The following CTNNA1 variants were observed in gnomAD, a reference collection of about 807,000 sequenced individuals.
CTNNA1 encodes the protein catenin alpha 1.
In CTNNA1, 37 loss-of-function variants were observed where a neutral mutation model predicts 98.4. The ratio of observed to expected loss-of-function variants is 0.38; its 90% CI spans 0.29 to 0.49. The LOEUF is 0.49. Among genes scored for constraint, CTNNA1 ranks in the 20% least tolerant of loss-of-function variants. CTNNA1 has a pLI of 0.95. For synonymous variants in CTNNA1, 404 were observed against 413.2 expected (o/e 0.98, Z 0.27); for missense variants, 761 against 1,147.2 (o/e 0.66, Z 4.86).
intron 7 of CTNNA1, among the ~76,000 whole-genome samples, chr5:138,845,755 T>G (rs1272005354): frequency 6.6e-6 from 1 of 152,170 alleles, no homozygotes; most frequent in Non-Finnish European, 1.5e-5. Flanking sequence ...AAATTACTGT[T>G]AAGAAAAGGA....
intron 3 of CTNNA1, 48 bp from the exon 4 acceptor site, chr5:138,809,990 T>G (rs1758506708): frequency 6.4e-7 from 1 of 1,558,568 alleles, no homozygotes; most frequent in African/African-American, 1.4e-5. Flanking sequence ...TGTAGATCAG[T>G]TATTTGAGTT....
At position 138,896,618 on chromosome 5, in the gene CTNNA1, A is replaced by G. The variant is rs557343175; in HGVS notation, c.1297-7731A>G. The stretch of plus-strand genomic sequence containing the variant: ...GGGGAGCAGGAGCCAGAGGGCTGGT[A>G]TTGGTGGGCTGGATGGCTCTTCCCT... On this transcript the variant is annotated intron_variant, in intron 9 of 17. Coordinates refer to ENST00000302763, the MANE Select transcript of CTNNA1 (RefSeq NM_001903.5). Among the ~76,000 whole-genome samples the G allele has an allele frequency of 4.6e-5, 7 of 152,240 alleles. No homozygotes were observed. In the South Asian group the frequency reaches 1.5e-3, roughly 32 times the overall value.
chr5:138,812,370 G>T, intron 5 of CTNNA1, 68 bp downstream of exon 5: 2 of 1,533,322 alleles, frequency 1.3e-6, no homozygotes, highest in South Asian at 1.2e-5. Context: ...AACTCATTCT[G>T]TGTGTTTTCT....
rs544432639 is a variant in CTNNA1, at chr5:138,929,105, T to C, written c.1900-141T>C. On this transcript the variant is annotated intron_variant, in intron 13 of 17. Coordinates refer to ENST00000302763, the MANE Select transcript of CTNNA1 (RefSeq NM_001903.5). ...GAGACAAATGCTGAGTGATTTTGAC[T>C]TTATTCACCATACTGTTCAGAACAC... 7.8e-4 allele frequency: 547 copies of C among 702,356 alleles called. 3 individuals are homozygous for C. The African/African-American group carries it at 9.0e-3, about 12-fold the overall frequency. The allele number at this position is 702,356 out of a possible 1,614,324, so 43.5% of individuals were successfully genotyped here.
rs955023956 is a variant in CTNNA1 at position 138,812,197 on chromosome 5, C to T, written c.483C>T (p.Ile161=). The T allele has an allele frequency of 1.2e-6, 2 of 1,613,350 alleles. No homozygotes were observed. The highest frequency in any genetic ancestry group is 3.3e-5 in the Admixed American group (2 of 59,922). Residue 161 remains isoleucine, a synonymous_variant, in exon 5 of 18, where the codon ATC becomes ATT. Transcript: ENST00000302763. The stretch of plus-strand genomic sequence containing the variant: ...TTATTTTATAGGTGGAAGATGGTAT[C>T]TTGAAGTTGAGGAATGCTGGCAATG... ...LVQLKVVEDG[I]LKLRNAGNEQ...
chr5:138,842,830 T>G (rs1264841324), intron 7 of CTNNA1, among the ~76,000 whole-genome samples: 1 of 152,210 alleles, frequency 6.6e-6, no homozygotes, highest in Admixed American at 6.5e-5. Context: ...ATCATGGCAG[T>G]TAAAAAACAC....
intron 13 of CTNNA1, 109 bp downstream of exon 13, chr5:138,925,516 C>G: frequency 7.1e-7 from 1 of 1,405,090 alleles, no homozygotes; most frequent in African/African-American, 1.4e-5. Context: ...TATATTAAAA[C>G]CATGAATCTA....
At chr5:138,916,423 C>T (rs183973167) in intron 10 of CTNNA1, among the ~76,000 whole-genome samples, 6 of 147,980 alleles carry the variant, frequency 4.1e-5, no homozygotes, top group East Asian at 3.9e-4. Flanking sequence ...AGACAAGAGT[C>T]GTCCTGTTTG....
At chr5:138,764,623 C>T (rs149750782) in intron 1 of CTNNA1, among the ~76,000 whole-genome samples, 61 of 151,670 alleles carry the variant, frequency 4.0e-4, no homozygotes, top group African/African-American at 1.4e-3. Flanking sequence ...AGGCATGCAC[C>T]ACCACGCCTG....
At chr5:138,900,770 C>T (rs1409699058) in intron 9 of CTNNA1, among the ~76,000 whole-genome samples, 1 of 152,106 alleles carries the variant, frequency 6.6e-6, no homozygotes, top group East Asian at 1.9e-4. Context: ...GTCATTTCCT[C>T]AACAGCTCAG....
chr5:138,917,949 T>C (rs770410723), intron 11 of CTNNA1, 51 bp downstream of exon 11: 15 of 1,579,126 alleles, frequency 9.5e-6, no homozygotes, highest in Admixed American at 5.1e-5. Context: ...ATAATTACTT[T>C]TGTCTAAGTT....
chr5:138,899,822 G>C (rs1757641222), intron 9 of CTNNA1, among the ~76,000 whole-genome samples: 2 of 152,104 alleles, frequency 1.3e-5, no homozygotes, highest in Non-Finnish European at 2.9e-5. Flanking sequence ...AATTGAAAAA[G>C]CATTATTAAA....
At chr5:138,774,248 C>G (rs761228286) in intron 1 of CTNNA1, among the ~76,000 whole-genome samples, 4 of 151,848 alleles carry the variant, frequency 2.6e-5, no homozygotes, top group Non-Finnish European at 5.9e-5. Context: ...TGGTCTTGAA[C>G]TCCAGGGCTC....
chr5:138,782,024 A>G lies in CTNNA1; in HGVS notation c.100A>G (p.Thr34Ala). ...TGAGAGACTGTTGGAGCCTCTTGTT[A>G]CACAGGTAAGAATCTGAAAACACAA... ...AVERLLEPLVTQVTTLVNTNS... is the reference protein window; with the variant it reads ...AVERLLEPLVAQVTTLVNTNS... Residue 34 changes from threonine to alanine, a missense_variant, in exon 2 of 18, where the codon ACA becomes GCA. Thr to Ala is a moderately conservative substitution (Grantham distance 58, BLOSUM62 0). Coordinates refer to ENST00000302763, the MANE Select transcript of CTNNA1 (RefSeq NM_001903.5). The G allele has an allele frequency of 6.2e-7, 1 of 1,608,466 alleles. No homozygotes were observed. Among genetic ancestry groups the G allele is most frequent in the South Asian group, 1.1e-5 (1 of 89,376 alleles).
At position 138,824,700 on chromosome 5, in the gene CTNNA1, A is replaced by G. The variant is rs2149776295; in HGVS notation, c.759A>G (p.Thr253=). ...ACAAGCAGCTGCAGCAGGCGGTCAC[A>G]GGCATTTCCAATGCAGCCCAGGCCA... ...LIYKQLQQAV[T]GISNAAQATA... is the part of the protein sequence containing the mutation. The change falls in exon 6 of 18, where the codon ACA becomes ACG. Residue 253 remains threonine, a synonymous_variant. Coordinates refer to ENST00000302763, the MANE Select transcript of CTNNA1 (RefSeq NM_001903.5). 6.2e-7 allele frequency: 1 copy of G among 1,614,246 alleles called. No homozygotes were observed. The highest frequency in any genetic ancestry group is 1.7e-5 in the Admixed American group (1 of 60,026).
At chr5:138,845,530 T>A (rs1762636046) in intron 7 of CTNNA1, among the ~76,000 whole-genome samples, 1 of 152,256 alleles carries the variant, frequency 6.6e-6, no homozygotes. Flanking sequence ...TAAGACATTT[T>A]AAAATGTGTT....
At chr5:138,858,036 C>G (rs543827487) in intron 7 of CTNNA1, among the ~76,000 whole-genome samples, 3 of 152,258 alleles carry the variant, frequency 2.0e-5, no homozygotes, top group Admixed American at 2.0e-4. Context: ...ATCCATCTTA[C>G]TGTTTTGATG....
chr5:138,930,020 G>C (rs1764963491), intron 14 of CTNNA1, among the ~76,000 whole-genome samples: 2 of 152,200 alleles, frequency 1.3e-5, no homozygotes, highest in Non-Finnish European at 2.9e-5. Flanking sequence ...AGTATGGCCT[G>C]AGTGCCAGCG....
At chr5:138,832,928 T>C (rs1248483768) in intron 7 of CTNNA1, among the ~76,000 whole-genome samples, 2 of 152,246 alleles carry the variant, frequency 1.3e-5, no homozygotes, top group African/African-American at 4.8e-5. Context: ...CTCTATGCTT[T>C]ATACAGCTGA....
Sources: allele counts gnomAD v4.1 joint callset (sites outside exome capture counted in the v4.1 genomes callset), GRCh38; gene constraint gnomAD v4.1.1; transcripts MANE v1.5; gene names NCBI Gene and HGNC (gene_info 2026-07-23, HGNC 2026-07-21).